The following EEIG1 variants were observed in gnomAD, a reference collection of about 807,000 sequenced individuals.
The protein encoded by EEIG1 is estrogen-induced osteoclastogenesis regulator 1.
At chr9:127,961,242 G>A in the EEIG1 span, among the ~76,000 whole-genome samples, 1 of 152,038 alleles carries the variant, frequency 6.6e-6, no homozygotes, top group Non-Finnish European at 1.5e-5. Context: ...CTCAGCCCCG[G>A]GGCCCCTCTG....
At chr9:127,954,974 T>C in the EEIG1 span, among the ~76,000 whole-genome samples, 2 of 152,178 alleles carry the variant, frequency 1.3e-5, no homozygotes, top group African/African-American at 4.8e-5. Context: ...TGGCAGGATC[T>C]GGGGGTGGCA....
the EEIG1 span, among the ~76,000 whole-genome samples, chr9:127,957,992 C>T: frequency 1.1e-4 from 16 of 152,116 alleles, no homozygotes; most frequent in Admixed American, 7.9e-4. Flanking sequence ...CCAGCCTGGG[C>T]GACAGAGGGA....
chr9:127,966,874 C>T, the EEIG1 span, among the ~76,000 whole-genome samples: 28 of 152,086 alleles, frequency 1.8e-4, no homozygotes, highest in Admixed American at 7.9e-4. Context: ...TGGGAGGTAA[C>T]GGGTGGTCTG....
the EEIG1 span, chr9:127,944,434 AGGT>A: frequency 1.6e-6 from 1 of 611,636 alleles, no homozygotes; most frequent in Admixed American, 2.8e-5. Context: ...CTCCCAGGTG[AGGT>A]GGTGGTGTCC....
the EEIG1 span, chr9:127,944,756 C>T: frequency 6.2e-7 from 1 of 1,611,660 alleles, no homozygotes; most frequent in Non-Finnish European, 8.5e-7. Context: ...GCCTCGCCCC[C>T]ACCAGCCCAG....
chr9:127,956,706 C>T, the EEIG1 span, among the ~76,000 whole-genome samples: 4 of 150,982 alleles, frequency 2.6e-5, no homozygotes, highest in African/African-American at 7.3e-5. Context: ...CCACCACACC[C>T]GGCCATTATT....
the EEIG1 span, chr9:127,944,888 CCTT>C: frequency 1.2e-5 from 20 of 1,611,632 alleles, no homozygotes; most frequent in Non-Finnish European, 1.5e-5. Context: ...TCCACCGAGT[CCTT>C]CTTCCGCCTG....
the EEIG1 span, chr9:127,948,504 G>A: frequency 1.4e-5 from 18 of 1,319,082 alleles, no homozygotes; most frequent in East Asian, 2.3e-5. Context: ...TCTGGCCTCA[G>A]AAGGGCTTGG....
chr9:127,964,858 T>C, the EEIG1 span, among the ~76,000 whole-genome samples: 2 of 151,840 alleles, frequency 1.3e-5, no homozygotes, highest in African/African-American at 4.8e-5. Flanking sequence ...TCCCAGCACT[T>C]TGGGAGGCTG....
the EEIG1 span, among the ~76,000 whole-genome samples, chr9:127,954,303 A>G: frequency 6.6e-6 from 1 of 152,052 alleles, no homozygotes; most frequent in Non-Finnish European, 1.5e-5. Context: ...GGCTCTGCCA[A>G]CCGCCTCATG....
At chr9:127,967,538 GA>G in the EEIG1 span, among the ~76,000 whole-genome samples, 1 of 152,232 alleles carries the variant, frequency 6.6e-6, no homozygotes, top group Non-Finnish European at 1.5e-5. Context: ...TTCAAAGCAA[GA>G]AGACACAATG....
the EEIG1 span, chr9:127,950,548 T>C: frequency 1.3e-5 from 21 of 1,612,728 alleles, no homozygotes; most frequent in Non-Finnish European, 1.8e-5. Context: ...AGCTAGGAGG[T>C]GAGAGGAGCG....
At chr9:127,979,858 G>A in the EEIG1 span, 1 of 1,144,956 alleles carries the variant, frequency 8.7e-7, no homozygotes, top group South Asian at 1.7e-5. Context: ...CCTGCCTTGT[G>A]CAACCTGCCC....
the EEIG1 span, among the ~76,000 whole-genome samples, chr9:127,952,494 C>T: frequency 3.9e-4 from 59 of 152,214 alleles, no homozygotes; most frequent in African/African-American, 1.4e-3. Context: ...TCCCTCTTTG[C>T]CCAGTAGAAA....
the EEIG1 span, chr9:127,979,928 T>G: frequency 2.6e-6 from 4 of 1,547,870 alleles, no homozygotes; most frequent in Non-Finnish European, 2.6e-6. Flanking sequence ...CTTCCACACT[T>G]GCCAAGTGTC....
At chr9:127,950,300 G>A in the EEIG1 span, 83 of 961,576 alleles carry the variant, frequency 8.6e-5, no homozygotes, top group African/African-American at 9.6e-4. Flanking sequence ...GCCCCTTCCC[G>A]ATGTCTACCT....
the EEIG1 span, chr9:127,945,547 T>G: frequency 6.4e-7 from 1 of 1,563,226 alleles, no homozygotes; most frequent in East Asian, 2.4e-5. This position sits in a 1 kb window ranked among gnomAD's most constrained non-coding sequence, Gnocchi z 6.5. Flanking sequence ...GGAGCGCGAG[T>G]GCTCTGTGCT....
At chr9:127,962,722 A>T in the EEIG1 span, among the ~76,000 whole-genome samples, 2 of 152,308 alleles carry the variant, frequency 1.3e-5, no homozygotes, top group South Asian at 4.1e-4. Context: ...GAAAAATTAT[A>T]AATAAGATGT....
At chr9:127,975,148 G>C in the EEIG1 span, among the ~76,000 whole-genome samples, 1 of 152,152 alleles carries the variant, frequency 6.6e-6, no homozygotes, top group Non-Finnish European at 1.5e-5. Context: ...GGAGTGTGAG[G>C]AAAGACCCGG....
Sources: allele counts gnomAD v4.1 joint callset (sites outside exome capture counted in the v4.1 genomes callset), GRCh38; gene constraint gnomAD v4.1.1; non-coding constraint Gnocchi (gnomAD v3.1); transcripts MANE v1.5; gene names NCBI Gene and HGNC (gene_info 2026-07-23, HGNC 2026-07-21).